The following JRK variants were observed in gnomAD, a reference collection of about 807,000 sequenced individuals.
The protein encoded by JRK is Jrk helix-turn-helix protein, also known as jerky protein homolog.
For synonymous variants in JRK, 303 were observed against 218.1 expected (o/e 1.39, Z -3.43); for missense variants, 720 against 509.2 (o/e 1.41, Z -3.98).
At chr8:142,669,751 T>G (rs1554636981) in intron 1 of JRK, among the ~76,000 whole-genome samples, 181 bp downstream of exon 1, 1 of 149,068 alleles carries the variant, frequency 6.7e-6, no homozygotes, top group African/African-American at 2.4e-5. Context: ...GAGGGGGCGC[T>G]GCCGCCCGCG....
In JRK at chr8:142,664,782, G is replaced by A; in HGVS notation, c.1277C>T (p.Ser426Phe). ...AHILELVKEG[S>F]SCPGQLRQRQ... ...CTGGCGAAGCTGGCCCGGGCAGGAG[G>A]AGCCTTCCTTCACAAGCTCCAGGAT... The change falls in exon 2 of 2, where the codon TCC (serine) becomes TTC (phenylalanine). Residue 426 changes from serine (S) to phenylalanine (F), a missense_variant. Transcript: ENST00000612905. The A allele has an allele frequency of 1.3e-6, 2 of 1,590,646 alleles. No homozygotes were observed. Among genetic ancestry groups the A allele is most frequent in the Non-Finnish European group, 1.7e-6 (2 of 1,169,290 alleles).
chr8:142,665,852 G>C lies in JRK; in HGVS notation c.207C>G (p.Ser69=), dbSNP rs2978973. 514,704 of 779,458 alleles carry C rather than the reference G, an allele frequency of 0.66. 172,287 individuals are homozygous for C. The highest frequency in any genetic ancestry group is 0.74 in the Admixed American group (43,704 of 58,822). The allele number at this position is 779,458 out of a possible 1,614,324, so 48.3% of individuals were successfully genotyped here. The change falls in exon 2 of 2, where the codon TCC becomes TCG. Residue 69 remains serine (S), a synonymous_variant. Transcript: ENST00000612905. ...KAQLLRFFAS[S]DSNKALEQRR... Reference sequence around the variant, plus strand: ...GCTGCTCCAGCGCCTTGTTGGAGTCGGAGCTGGCGAAGAACCGGAGCAGCT... The same window carrying C: ...GCTGCTCCAGCGCCTTGTTGGAGTCCGAGCTGGCGAAGAACCGGAGCAGCT...
Position 142,663,796 on chromosome 8 carries a change from C to T in JRK, c.*556G>A, listed in dbSNP as rs587616366. 18 of 986,122 alleles carry T rather than the reference C, an allele frequency of 1.8e-5. No individual in the cohort carries two copies. The Admixed American group carries it at 2.5e-4, about 13-fold the overall frequency. The allele number at this position is 986,122 out of a possible 1,614,324, so 61.1% of individuals were successfully genotyped here. On this transcript the variant is annotated 3_prime_UTR_variant, in exon 2 of 2. Coordinates refer to ENST00000612905, the MANE Select transcript of JRK (RefSeq NM_003724.4). ...AAGTGAGATGTGCGGCCTGTTCAGCCGCTAGCAGGCCAAGAACTGAGTCCC... is the reference window on the plus strand; with the variant it reads ...AAGTGAGATGTGCGGCCTGTTCAGCTGCTAGCAGGCCAAGAACTGAGTCCC...
chr8:142,647,737 G>A, the JRK span, among the ~76,000 whole-genome samples: 1 of 152,144 alleles, frequency 6.6e-6, no homozygotes, highest in African/African-American at 2.4e-5. Context: ...ACAGTAAATT[G>A]GTACCAGTAG....
chr8:142,659,849 C>T lies in JRK; in HGVS notation c.*4503G>A. 1 of 985,614 alleles carries T rather than the reference C, an allele frequency of 1.0e-6. No homozygotes were observed. The highest frequency in any genetic ancestry group is 1.2e-6 in the Non-Finnish European group (1 of 830,042). The allele number at this position is 985,614 out of a possible 1,614,324, so 61.1% of individuals were successfully genotyped here. A position where few individuals can be genotyped will look rare whatever the true frequency, so the allele number is the denominator to read the frequency against. On this transcript the variant is annotated 3_prime_UTR_variant, in exon 2 of 2. Coordinates refer to ENST00000612905, the MANE Select transcript of JRK (RefSeq NM_003724.4). Reference sequence around the variant, plus strand: ...TGCCCTCAGCAACTTCACACCTGCCCCTCCCTGGGCCCCAGTCTCATCCCT... The same window carrying T: ...TGCCCTCAGCAACTTCACACCTGCCTCTCCCTGGGCCCCAGTCTCATCCCT...
chr8:142,655,427 G>T (rs955973372), downstream of JRK, among the ~76,000 whole-genome samples: 2 of 152,332 alleles, frequency 1.3e-5, no homozygotes, highest in South Asian at 4.1e-4. Flanking sequence ...CACCAGGACT[G>T]CCCAGGGAAA....
Position 142,666,208 on chromosome 8 carries a change from C to T in JRK, c.-150G>A. The T allele has an allele frequency of 2.1e-6, 3 of 1,397,666 alleles. No individual in the cohort carries two copies. The highest frequency in any genetic ancestry group is 2.9e-6 in the Non-Finnish European group (3 of 1,019,954). The allele number at this position is 1,397,666 out of a possible 1,614,324, so 86.6% of individuals were successfully genotyped here. On this transcript the variant is annotated 5_prime_UTR_variant, in exon 2 of 2. Transcript: ENST00000612905. Reference sequence around the variant, plus strand: ...CTCTGCTGATCCTGAGCACAGGCCCCAGTCCCTCTCGGGTTTCTCACTCCA... The same window carrying T: ...CTCTGCTGATCCTGAGCACAGGCCCTAGTCCCTCTCGGGTTTCTCACTCCA...
downstream of JRK, among the ~76,000 whole-genome samples, chr8:142,653,406 T>C (rs1587508438): frequency 6.6e-6 from 1 of 152,140 alleles, no homozygotes; most frequent in African/African-American, 2.4e-5. Flanking sequence ...CAGGGTCTCA[T>C]TCTGTCACCC....
intron 1 of JRK, among the ~76,000 whole-genome samples, chr8:142,667,287 C>T (rs1847155999): frequency 6.6e-6 from 1 of 152,202 alleles, no homozygotes; most frequent in Non-Finnish European, 1.5e-5. Flanking sequence ...AGAGGGGACC[C>T]CTCAAGCTCA....
the JRK span, among the ~76,000 whole-genome samples, chr8:142,643,964 C>A: frequency 6.6e-6 from 1 of 152,128 alleles, no homozygotes; most frequent in Non-Finnish European, 1.5e-5. Context: ...AGAAAAGTTT[C>A]CCTGGTTCTG....
chr8:142,666,711 C>T (rs587629584), intron 1 of JRK, among the ~76,000 whole-genome samples, 191 bp from the exon 2 acceptor site: 24 of 152,136 alleles, frequency 1.6e-4, no homozygotes, highest in South Asian at 6.2e-4. Flanking sequence ...AGCCCCTGCA[C>T]GTGCTGCTCA....
In JRK at chr8:142,665,589, G is replaced by A. The variant is rs1847093413; in HGVS notation, c.470C>T (p.Ala157Val). ...GAACTGCTCCGCGGCCTGGTGGTCG[G>A]CTGACTGCTTTTCACTGGATGCATC... ...KLDASSEKQS[A>V]DHQAAEQFCA... is the part of the protein sequence containing the mutation. Residue 157 changes from alanine (A) to valine (V), a missense_variant, in exon 2 of 2, where the codon GCC becomes GTC. By Grantham distance (64) the Ala-to-Val change is moderately conservative. Coordinates refer to ENST00000612905, the MANE Select transcript of JRK (RefSeq NM_003724.4). 1 of 718,530 alleles carries A rather than the reference G, an allele frequency of 1.4e-6. No individual in the cohort carries two copies. 44.5% of individuals were successfully genotyped at this position (718,530 alleles called of 1,614,324 possible). A position where few individuals can be genotyped will look rare whatever the true frequency, so the allele number is the denominator to read the frequency against.
In JRK at chr8:142,665,210, G is replaced by C. The variant is rs782528458; in HGVS notation, c.849C>G (p.Phe283Leu). The change falls in exon 2 of 2, where the codon TTC becomes TTG. Residue 283 changes from phenylalanine (F) to leucine (L), a missense_variant. Coordinates refer to ENST00000612905, the MANE Select transcript of JRK (RefSeq NM_003724.4). Reference sequence around the variant, plus strand: ...TGTCTTCCGGCAAACCTATGGTTCTGAAGTGCTCTCTCACCGAGGGCACAA... The same window carrying C: ...TGTCTTCCGGCAAACCTATGGTTCTCAAGTGCTCTCTCACCGAGGGCACAA... ...HIFVPSVREH[F>L]RTIGLPEDSK... 1.4e-6 allele frequency: 1 copy of C among 717,896 alleles called. No individual in the cohort carries two copies. The allele number at this position is 717,896 out of a possible 1,614,324, so 44.5% of individuals were successfully genotyped here. A position where few individuals can be genotyped will look rare whatever the true frequency, so the allele number is the denominator to read the frequency against.
rs1587531265 is a variant in JRK, at chr8:142,666,283, A to C, written c.-225T>G. On this transcript the variant is annotated 5_prime_UTR_variant, in exon 2 of 2. Transcript: ENST00000612905. ...ATCCCTGGTCTTCCAGGCTCCACAC[A>C]CCTAGGCCTTGGCTCCTGGCAGTGC... 1.4e-6 allele frequency: 1 copy of C among 707,482 alleles called. No individual in the cohort carries two copies. The highest frequency in any genetic ancestry group is 2.4e-6 in the Non-Finnish European group (1 of 421,950). The allele number at this position is 707,482 out of a possible 1,614,324, so 43.8% of individuals were successfully genotyped here.
At chr8:142,650,768 A>C in the JRK span, among the ~76,000 whole-genome samples, 1 of 152,230 alleles carries the variant, frequency 6.6e-6, no homozygotes, top group East Asian at 1.9e-4. Flanking sequence ...AAATGGACTA[A>C]TACAAACACA....
rs962919947 is a variant in JRK at position 142,663,500 on chromosome 8, T to C, written c.*852A>G. The C allele has an allele frequency of 7.2e-5, 71 of 985,364 alleles. No homozygotes were observed. The highest frequency in any genetic ancestry group is 1.2e-4 in the Admixed American group (2 of 16,272). The allele number at this position is 985,364 out of a possible 1,614,324, so 61.0% of individuals were successfully genotyped here. A position where few individuals can be genotyped will look rare whatever the true frequency, so the allele number is the denominator to read the frequency against. On this transcript the variant is annotated 3_prime_UTR_variant, in exon 2 of 2. Transcript: ENST00000612905. ...TCTCTGAATGTCTGATCAAGACGTA[T>C]TCATGTAAAGGCCATAAGTATGAAA... is the stretch of plus-strand genomic sequence containing the variant.
downstream of JRK, among the ~76,000 whole-genome samples, chr8:142,654,262 C>A (rs904604390): frequency 5.3e-5 from 8 of 152,164 alleles, no homozygotes. Flanking sequence ...TCACAGCACA[C>A]CTGCTGCCCT....
In JRK at chr8:142,662,384, T is replaced by C; in HGVS notation, c.*1968A>G. On this transcript the variant is annotated 3_prime_UTR_variant, in exon 2 of 2. Transcript: ENST00000612905. ...CGGGACATGTTCTAACCTCCTGTGT[T>C]GCCTCAAGCAGCTGCAATCCAGCAG... 1.0e-6 allele frequency: 1 copy of C among 985,448 alleles called. No homozygotes were observed. The allele number at this position is 985,448 out of a possible 1,614,324, so 61.0% of individuals were successfully genotyped here. A position where few individuals can be genotyped will look rare whatever the true frequency, so the allele number is the denominator to read the frequency against.
In JRK at chr8:142,660,303, G is replaced by A. The variant is rs1338247078; in HGVS notation, c.*4049C>T. 4 of 985,478 alleles carry A rather than the reference G, an allele frequency of 4.1e-6. No individual in the cohort carries two copies. The highest frequency in any genetic ancestry group is 1.7e-5 in the African/African-American group (1 of 57,196). 61.0% of individuals were successfully genotyped at this position (985,478 alleles called of 1,614,324 possible). On this transcript the variant is annotated 3_prime_UTR_variant, in exon 2 of 2. Transcript: ENST00000612905. ...TCCCAGGCCACCACCCACCCCTCAC[G>A]GCTGCCACACCCACCAGCCCATGAC...
Sources: gnomAD v4.1 joint callset for allele counts (sites outside exome capture counted in the v4.1 genomes callset) on GRCh38, gnomAD v4.1.1 for gene constraint, MANE v1.5 for transcripts, NCBI Gene and HGNC (gene_info 2026-07-23, HGNC 2026-07-21) for gene names.